The following AUTS2 variants were observed in gnomAD, a reference collection of about 807,000 sequenced individuals.
The protein encoded by AUTS2 is autism susceptibility gene 2 protein.
A neutral mutation model predicts 112.4 loss-of-function variants in AUTS2; 17 were observed. The observed-to-expected ratio is 0.15, with a 90% CI of 0.10 to 0.23. AUTS2 has a LOEUF of 0.23. Ranked by LOEUF, AUTS2 falls within the 10% of genes least tolerant of loss-of-function variation. AUTS2 has a pLI of 1.00. For missense variants in AUTS2, 1,510 were observed against 1,701.6 expected (o/e 0.89, Z 1.98); for synonymous variants, 751 against 702.7 (o/e 1.07, Z -1.09).
At chr7:70,203,914 T>A (rs1810434692) in intron 4 of AUTS2, among the ~76,000 whole-genome samples, 1 of 151,746 alleles carries the variant, frequency 6.6e-6, no homozygotes, top group Non-Finnish European at 1.5e-5. Context: ...TCGAGAATTA[T>A]GTTTTGAAAA....
At chr7:70,192,905 T>G (rs1018614480) in intron 4 of AUTS2, among the ~76,000 whole-genome samples, 2 of 152,166 alleles carry the variant, frequency 1.3e-5, no homozygotes, top group Non-Finnish European at 2.9e-5. Context: ...TTGTTGTATC[T>G]TACTTCTGTG....
At chr7:70,709,235 C>T (rs1303968822) in intron 6 of AUTS2, among the ~76,000 whole-genome samples, 1 of 151,772 alleles carries the variant, frequency 6.6e-6, no homozygotes, top group Non-Finnish European at 1.5e-5. Context: ...TAAATTCTTA[C>T]CAGGTTGGCC....
chr7:70,317,702 C>T (rs1790061215), intron 4 of AUTS2, among the ~76,000 whole-genome samples: 1 of 152,192 alleles, frequency 6.6e-6, no homozygotes, highest in South Asian at 2.1e-4. Flanking sequence ...AAAGCTCCCT[C>T]AGGCTGGCAC....
chr7:70,500,784 T>C lies in AUTS2; in HGVS notation c.690+65003T>C, dbSNP rs566445099. Among the ~76,000 whole-genome samples the C allele has an allele frequency of 3.3e-4, 50 of 152,114 alleles. 1 individual carries two copies. The highest frequency in any genetic ancestry group is 1.2e-3 in the African/African-American group (49 of 41,492). On this transcript the variant is annotated intron_variant, in intron 5 of 18. Transcript: ENST00000342771. ...TTGCTCAGGCTGGAGTGCAGCAGCA[T>C]GATCTCGGCTCACTGCAACTTCAGC...
At chr7:70,017,964 T>TA (rs1163230636) in intron 2 of AUTS2, among the ~76,000 whole-genome samples, 1 of 151,800 alleles carries the variant, frequency 6.6e-6, no homozygotes, top group African/African-American at 2.4e-5. Flanking sequence ...AATTGACTCT[T>TA]CAGAACTAAT....
chr7:70,449,642 C>G (rs1250752110), intron 5 of AUTS2, among the ~76,000 whole-genome samples: 1 of 152,070 alleles, frequency 6.6e-6, no homozygotes, highest in African/African-American at 2.4e-5. Context: ...CTGGGTCATC[C>G]AAAGTTGACA....
intron 1 of AUTS2, among the ~76,000 whole-genome samples, chr7:69,775,816 T>C (rs545754518): frequency 1.3e-5 from 2 of 152,284 alleles, no homozygotes; most frequent in Admixed American, 1.3e-4. Flanking sequence ...AGATTCAAAA[T>C]CAGTTTTGAG....
chr7:69,964,331 C>T (rs529338068), intron 2 of AUTS2, among the ~76,000 whole-genome samples: 146 of 152,282 alleles, frequency 9.6e-4, no homozygotes, highest in African/African-American at 3.3e-3. Flanking sequence ...CTGGAAGGCA[C>T]AGCCTTTTCC....
At chr7:69,728,026 T>C (rs568761064) in intron 1 of AUTS2, among the ~76,000 whole-genome samples, 1 of 152,260 alleles carries the variant, frequency 6.6e-6, no homozygotes, top group East Asian at 1.9e-4. Flanking sequence ...GATTTTAGTG[T>C]GGTACACTAA....
At chr7:70,650,385 A>G (rs947252667) in intron 5 of AUTS2, among the ~76,000 whole-genome samples, 1 of 152,250 alleles carries the variant, frequency 6.6e-6, no homozygotes, top group African/African-American at 2.4e-5. Context: ...ACCTGGGTTC[A>G]GTGAACTTGA....
At chr7:70,773,611 T>A (rs1048487484) in intron 11 of AUTS2, among the ~76,000 whole-genome samples, 2 of 152,258 alleles carry the variant, frequency 1.3e-5, no homozygotes, top group Admixed American at 6.5e-5. Flanking sequence ...GTTATTCTGA[T>A]GAGAAACACC....
chr7:70,473,117 A>T (rs1484896659), intron 5 of AUTS2, among the ~76,000 whole-genome samples: 1 of 152,192 alleles, frequency 6.6e-6, no homozygotes, highest in Non-Finnish European at 1.5e-5. Flanking sequence ...ATAACATTTG[A>T]TGCTGAAATA....
chr7:70,125,715 A>G (rs1805936027), intron 3 of AUTS2, among the ~76,000 whole-genome samples: 1 of 152,202 alleles, frequency 6.6e-6, no homozygotes, highest in African/African-American at 2.4e-5. Context: ...ATCATGTGGC[A>G]TGAAAACTCT....
intron 5 of AUTS2, among the ~76,000 whole-genome samples, chr7:70,495,688 CGT>C (rs1562993408): frequency 1.7e-4 from 22 of 128,336 alleles, no homozygotes; most frequent in South Asian, 2.7e-4. Context: ...ACACACACCA[CGT>C]ACACAGTCAC....
At chr7:70,579,075 C>G (rs1186044067) in intron 5 of AUTS2, among the ~76,000 whole-genome samples, 4 of 150,808 alleles carry the variant, frequency 2.7e-5, no homozygotes, top group African/African-American at 9.7e-5. Context: ...ATTACAGGCA[C>G]ATGCCACCAC....
chr7:70,137,506 C>CT (rs1806633309), intron 4 of AUTS2, among the ~76,000 whole-genome samples: 2 of 131,014 alleles, frequency 1.5e-5, no homozygotes, highest in Non-Finnish European at 3.3e-5. Context: ...AACACATTTT[C>CT]TTTTCAATTT....
At position 69,993,455 on chromosome 7, in the gene AUTS2, A is replaced by G. The variant is rs892046022; in HGVS notation, c.522+93957A>G. ...TGGCAAAAACAATAATGGGTTTTTGAATATATGTTACTAGGCTAGGCACAG... is the reference window on the plus strand; with the variant it reads ...TGGCAAAAACAATAATGGGTTTTTGGATATATGTTACTAGGCTAGGCACAG... On this transcript the variant is annotated intron_variant, in intron 2 of 18. Coordinates refer to ENST00000342771, the MANE Select transcript of AUTS2 (RefSeq NM_015570.4). Among the ~76,000 whole-genome samples, 3 of 152,154 alleles carry G rather than the reference A, an allele frequency of 2.0e-5. No homozygotes were observed. The East Asian group carries it at 5.8e-4, about 29-fold the overall frequency.
chr7:70,335,207 T>C (rs1417342691), intron 4 of AUTS2, among the ~76,000 whole-genome samples: 1 of 152,240 alleles, frequency 6.6e-6, no homozygotes, highest in Non-Finnish European at 1.5e-5. Flanking sequence ...AGTTTCATTA[T>C]GTGTGTCCCC....
intron 5 of AUTS2, among the ~76,000 whole-genome samples, chr7:70,546,548 A>C (rs1469440081): frequency 6.6e-6 from 1 of 152,112 alleles, no homozygotes; most frequent in Non-Finnish European, 1.5e-5. Context: ...GGAGGCCAAG[A>C]TGGGCGGATC....
Sources: allele counts gnomAD v4.1 joint callset (sites outside exome capture counted in the v4.1 genomes callset), GRCh38; gene constraint gnomAD v4.1.1; transcripts MANE v1.5; gene names NCBI Gene and HGNC (gene_info 2026-07-23, HGNC 2026-07-21).